Variants in PLXND1 observed in about 807,000 individuals in gnomAD.
PLXND1 encodes the protein plexin D1.
Under a neutral mutation model 197.7 loss-of-function variants are expected in PLXND1, and 54 were observed. The ratio of observed to expected loss-of-function variants is 0.27; its 90% CI spans 0.22 to 0.34. The LOEUF is 0.34. Ranked by LOEUF, PLXND1 falls within the 10% of genes least tolerant of loss-of-function variation. The pLI is 1.00. For missense variants in PLXND1, 2,127 were observed against 2,699.2 expected (o/e 0.79, Z 4.70); for synonymous variants, 1,180 against 1,161.2 (o/e 1.02, Z -0.33).
Position 129,571,443 on chromosome 3 carries a change from G to A in PLXND1, c.3336+66C>T, listed in dbSNP as rs1180896200. 1.0e-5 allele frequency: 16 copies of A among 1,540,716 alleles called. 1 individual carries two copies. The highest frequency in any genetic ancestry group is 8.1e-6 in the Non-Finnish European group (9 of 1,116,702). Reference sequence around the variant, plus strand: ...CAGAGATGCAGTGGGAGGAGGCCTGGTCAGTTAGGGCCCTGGCTGTGCCTG... The same window carrying A: ...CAGAGATGCAGTGGGAGGAGGCCTGATCAGTTAGGGCCCTGGCTGTGCCTG... On this transcript the variant is annotated intron_variant, in intron 17 of 35. Coordinates refer to ENST00000324093, the MANE Select transcript of PLXND1 (RefSeq NM_015103.3).
intron 1 of PLXND1, among the ~76,000 whole-genome samples, chr3:129,599,532 A>G (rs1290566114): frequency 6.6e-6 from 1 of 152,200 alleles, no homozygotes; most frequent in Non-Finnish European, 1.5e-5. Context: ...TGGGTGGACC[A>G]TCATTCACAC....
In PLXND1 at chr3:129,558,652, G is replaced by C; in HGVS notation, c.5298-77C>G. 18 of 1,438,914 alleles carry C rather than the reference G, an allele frequency of 1.3e-5. No homozygotes were observed. Among genetic ancestry groups the C allele is most frequent in the Non-Finnish European group, 1.7e-5 (18 of 1,039,688 alleles). The allele number at this position is 1,438,914 out of a possible 1,614,324, so 89.1% of individuals were successfully genotyped here. A position where few individuals can be genotyped will look rare whatever the true frequency, so the allele number is the denominator to read the frequency against. ...TCGAGGGACAGTTGTGGAGGAGAGA[G>C]CTGGCTTTGTCCCTCAAGGGCCTGA... is the stretch of plus-strand genomic sequence containing the variant. On this transcript the variant is annotated intron_variant, in intron 32 of 35. Coordinates refer to ENST00000324093, the MANE Select transcript of PLXND1 (RefSeq NM_015103.3). The surrounding 1 kb of genome is among the most constrained non-coding windows in gnomAD (Gnocchi z 4.1).
intron 1 of PLXND1, among the ~76,000 whole-genome samples, chr3:129,590,307 CT>C (rs11322894): frequency 0.68 from 102,353 of 151,590 alleles, 35,389 homozygotes; most frequent in Non-Finnish European, 0.74. Context: ...CATGTCCGGG[CT>C]GTTCCCTGAA....
Position 129,589,424 on chromosome 3 carries a change from G to A in PLXND1, c.1415C>T (p.Thr472Ile). Residue 472 changes from threonine (T) to isoleucine (I), a missense_variant, in exon 2 of 36, where the codon ACC becomes ATC. Physicochemically the swap from Thr to Ile is moderately conservative, Grantham distance 89. Coordinates refer to ENST00000324093, the MANE Select transcript of PLXND1 (RefSeq NM_015103.3). ...ATPVFRAPGL[T>I]SVAVASVNNY... The stretch of plus-strand genomic sequence containing the variant: ...GTTGACGCTGGCCACGGCCACGGAG[G>A]TGAGGCCCGGGGCGCGGAACACGGG... The A allele has an allele frequency of 6.2e-7, 1 of 1,612,014 alleles. No homozygotes were observed. The highest frequency in any genetic ancestry group is 8.5e-7 in the Non-Finnish European group (1 of 1,179,568).
intron 20 of PLXND1, among the ~76,000 whole-genome samples, 157 bp from the exon 21 acceptor site, chr3:129,567,962 G>T (rs2085167389): frequency 7.3e-6 from 1 of 136,892 alleles, no homozygotes. Flanking sequence ...GTGGGGGGTG[G>T]GGAGTTGCGG....
At position 129,555,932 on chromosome 3, in the gene PLXND1, C is replaced by T. The variant is rs528102016; in HGVS notation, c.*380G>A. 76 of 290,926 alleles carry T rather than the reference C, an allele frequency of 2.6e-4. No individual in the cohort carries two copies. The highest frequency in any genetic ancestry group is 1.2e-3 in the African/African-American group (55 of 45,336). 18.0% of individuals were successfully genotyped at this position (290,926 alleles called of 1,614,324 possible). ...GGTAGAGTTTCTGGGCTGCAGCCTC[C>T]GGGCTGGCGGCCTCCTCTCCCCCAG... is the stretch of plus-strand genomic sequence containing the variant. On this transcript the variant is annotated 3_prime_UTR_variant, in exon 36 of 36. Coordinates refer to ENST00000324093, the MANE Select transcript of PLXND1 (RefSeq NM_015103.3).
Position 129,555,333 on chromosome 3 carries a change from C to A in PLXND1, c.*979G>T. The stretch of plus-strand genomic sequence containing the variant: ...GGCTGAGTTGGCTGCGAGGGGCCCG[C>A]ATGGCCCATCGGCCACAGAGGGTCG... On this transcript the variant is annotated 3_prime_UTR_variant, in exon 36 of 36. Transcript: ENST00000324093. 1 of 582,994 alleles carries A rather than the reference C, an allele frequency of 1.7e-6. No homozygotes were observed. The highest frequency in any genetic ancestry group is 3.0e-6 in the Non-Finnish European group (1 of 333,730). The allele number at this position is 582,994 out of a possible 1,614,324, so 36.1% of individuals were successfully genotyped here.
intron 34 of PLXND1, 128 bp from the exon 35 acceptor site, chr3:129,556,819 G>A (rs2084981216): frequency 8.0e-6 from 6 of 749,830 alleles, no homozygotes; most frequent in Non-Finnish European, 1.4e-5. Flanking sequence ...CAGCGATGAG[G>A]CCCCTCAAGT....
chr3:129,561,122 G>A (rs1340633726), intron 29 of PLXND1: 2 of 470,910 alleles, frequency 4.2e-6, no homozygotes. Context: ...GGGGCCCCAG[G>A]CAGGCGGGGG....
rs2085023755 is a variant in PLXND1, at chr3:129,559,375, A to G, written c.5297+245T>C. ...GTGCGGGAGAATGATAGTAAGGGCAACACCTAGACCATGCTTCTGGGCACT... is the reference window on the plus strand; with the variant it reads ...GTGCGGGAGAATGATAGTAAGGGCAGCACCTAGACCATGCTTCTGGGCACT... On this transcript the variant is annotated intron_variant, in intron 32 of 35. Coordinates refer to ENST00000324093, the MANE Select transcript of PLXND1 (RefSeq NM_015103.3). 3 of 428,468 alleles carry G rather than the reference A, an allele frequency of 7.0e-6. No individual in the cohort carries two copies. The South Asian group carries it at 1.6e-4, about 23-fold the overall frequency. The allele number at this position is 428,468 out of a possible 1,614,324, so 26.5% of individuals were successfully genotyped here.
At chr3:129,587,488 C>A (rs2085478873) in intron 2 of PLXND1, among the ~76,000 whole-genome samples, 1 of 152,232 alleles carries the variant, frequency 6.6e-6, no homozygotes, top group Non-Finnish European at 1.5e-5. Flanking sequence ...CCCCACCAAA[C>A]TCTGCTCTTT....
In PLXND1 at chr3:129,584,396, G is replaced by A; in HGVS notation, c.2018C>T (p.Pro673Leu). ...CACAGCGTGCTTACCCTGGTTGGGG[G>A]GGAAGGGCGGAAACTGGTCCCTCGG... ...LLPRDQFPPF[P>L]PNQDHVTVEM... Residue 673 changes from proline to leucine, a missense_variant, in exon 6 of 36, where the codon CCC becomes CTC. Transcript: ENST00000324093. 1 of 1,612,514 alleles carries A rather than the reference G, an allele frequency of 6.2e-7. No homozygotes were observed. The highest frequency in any genetic ancestry group is 8.5e-7 in the Non-Finnish European group (1 of 1,179,248).
chr3:129,580,039 T>G (rs1162677532), intron 8 of PLXND1, among the ~76,000 whole-genome samples: 1 of 152,142 alleles, frequency 6.6e-6, no homozygotes, highest in Non-Finnish European at 1.5e-5. Context: ...CAAATTCTAC[T>G]CCCAACAACC....
intron 31 of PLXND1, 116 bp from the exon 32 acceptor site, chr3:129,559,899 T>C (rs1170824755): frequency 7.7e-6 from 7 of 912,754 alleles, no homozygotes; most frequent in Non-Finnish European, 1.1e-5. Flanking sequence ...GGAAGCCACA[T>C]GGCATCAGGC....
chr3:129,589,868 C>A (rs932824018), intron 1 of PLXND1, among the ~76,000 whole-genome samples: 17 of 152,120 alleles, frequency 1.1e-4, no homozygotes, highest in African/African-American at 4.1e-4. Context: ...GGCTGCCCCT[C>A]CTGGCTGGGC....
At chr3:129,586,367 G>T in intron 3 of PLXND1, 95 bp from the exon 4 acceptor site, 2 of 1,070,404 alleles carry the variant, frequency 1.9e-6, no homozygotes, top group Non-Finnish European at 1.4e-6. Flanking sequence ...TGAGAGGCTG[G>T]GGAAACTGAG....
At chr3:129,565,711 C>T (rs2285361) in intron 24 of PLXND1, among the ~76,000 whole-genome samples, 173 bp from the exon 25 acceptor site, 2 of 152,152 alleles carry the variant, frequency 1.3e-5, no homozygotes, top group Non-Finnish European at 2.9e-5. Context: ...CCACCTTCTT[C>T]TACGTCCACA....
In PLXND1 at chr3:129,594,106, G is replaced by C. The variant is rs902826243; in HGVS notation, c.1312-4579C>G. On this transcript the variant is annotated intron_variant, in intron 1 of 35. Coordinates refer to ENST00000324093, the MANE Select transcript of PLXND1 (RefSeq NM_015103.3). ...CTATGAAAAGGATGCGGCATTAACA[G>C]TGGGCGCTGCGGCAGGTTGCAAAAT... 5.9e-5 allele frequency among the ~76,000 whole-genome samples: 9 copies of C among 152,242 alleles called. No homozygotes were observed. The South Asian group carries it at 1.0e-3, about 18-fold the overall frequency.
chr3:129,556,929 T>C (rs2084982840), intron 34 of PLXND1, 154 bp downstream of exon 34: 1 of 841,274 alleles, frequency 1.2e-6, no homozygotes, highest in African/African-American at 1.7e-5. Flanking sequence ...GGAAAATGCA[T>C]GACGAATTTG....
Sources: gnomAD v4.1 joint callset for allele counts (sites outside exome capture counted in the v4.1 genomes callset) on GRCh38, gnomAD v4.1.1 for gene constraint, Gnocchi (gnomAD v3.1) non-coding constraint, MANE v1.5 for transcripts, NCBI Gene and HGNC (gene_info 2026-07-23, HGNC 2026-07-21) for gene names.